Variants in LRRTM4 observed in about 807,000 individuals in gnomAD.
LRRTM4 encodes the protein leucine-rich repeat transmembrane neuronal protein 4.
In LRRTM4, 25 loss-of-function variants were observed where a neutral mutation model predicts 47.6. The observed-to-expected ratio is 0.53, with a 90% CI of 0.38 to 0.73. The LOEUF (loss-of-function observed/expected upper bound fraction) is 0.73. Ranked by LOEUF, LRRTM4 falls within the 30% of genes least tolerant of loss-of-function variation. The pLI, the probability that LRRTM4 is intolerant of heterozygous loss-of-function variation, is 0.00. For synonymous variants in LRRTM4, 311 were observed against 269.5 expected (o/e 1.15, Z -1.51); for missense variants, 638 against 713.4 (o/e 0.89, Z 1.20).
chr2:77,408,776 G>T (rs79338991), intron 3 of LRRTM4, among the ~76,000 whole-genome samples: 7,308 of 152,192 alleles, frequency 0.048, 191 homozygotes, highest in South Asian at 0.09. Context: ...TTTATCAAAA[G>T]AAGAAATTAT....
At chr2:77,026,661 A>T (rs1199744375) in intron 3 of LRRTM4, among the ~76,000 whole-genome samples, 2 of 151,930 alleles carry the variant, frequency 1.3e-5, no homozygotes, top group East Asian at 3.9e-4. Flanking sequence ...GTTTATTGTC[A>T]TAGAAAAAGT....
chr2:76,855,303 A>G (rs1672116346), intron 3 of LRRTM4, among the ~76,000 whole-genome samples: 1 of 152,242 alleles, frequency 6.6e-6, no homozygotes, highest in African/African-American at 2.4e-5. Flanking sequence ...ATCTAGGACA[A>G]AGATGGATAA....
At chr2:77,393,919 GACAA>G (rs772439956) in intron 3 of LRRTM4, among the ~76,000 whole-genome samples, 5 of 152,004 alleles carry the variant, frequency 3.3e-5, no homozygotes, top group African/African-American at 1.2e-4. Context: ...GAATTTTAAA[GACAA>G]ACAAAATAAT....
At chr2:76,774,459 G>C (rs1439208595) in intron 3 of LRRTM4, among the ~76,000 whole-genome samples, 1 of 151,902 alleles carries the variant, frequency 6.6e-6, no homozygotes, top group Non-Finnish European at 1.5e-5. Context: ...CAAAGTGCTG[G>C]GATTACAGGC....
intron 3 of LRRTM4, among the ~76,000 whole-genome samples, chr2:77,194,181 T>A (rs1388599072): frequency 6.6e-6 from 1 of 152,172 alleles, no homozygotes; most frequent in African/African-American, 2.4e-5. Context: ...TAAGAAAATA[T>A]GACTATATCT....
chr2:76,835,323 T>C (rs913816614), intron 3 of LRRTM4, among the ~76,000 whole-genome samples: 5 of 152,042 alleles, frequency 3.3e-5, no homozygotes, highest in Non-Finnish European at 7.4e-5. Flanking sequence ...TCCTAACATA[T>C]GCATAGATTT....
intron 3 of LRRTM4, among the ~76,000 whole-genome samples, chr2:76,816,443 G>C (rs1670897707): frequency 6.6e-6 from 1 of 151,910 alleles, no homozygotes; most frequent in South Asian, 2.1e-4. Flanking sequence ...GAAAATAATA[G>C]TCATGAAAGC....
intron 3 of LRRTM4, among the ~76,000 whole-genome samples, chr2:77,162,234 G>C: frequency 6.6e-6 from 1 of 152,178 alleles, no homozygotes; most frequent in Non-Finnish European, 1.5e-5. Context: ...TAGTACAGCA[G>C]TCTGAGATTA....
chr2:77,200,645 T>C (rs1251785595), intron 3 of LRRTM4, among the ~76,000 whole-genome samples: 1 of 152,056 alleles, frequency 6.6e-6, no homozygotes, highest in Non-Finnish European at 1.5e-5. Flanking sequence ...TAAAATATAA[T>C]CTTCACTCAT....
chr2:76,833,875 T>C (rs531031508), intron 3 of LRRTM4, among the ~76,000 whole-genome samples: 126 of 151,762 alleles, frequency 8.3e-4, no homozygotes, highest in African/African-American at 3.0e-3. Flanking sequence ...TGAAGACAAT[T>C]TATGTATTTT....
chr2:77,120,704 A>G (rs1348284350), intron 3 of LRRTM4, among the ~76,000 whole-genome samples: 3 of 151,928 alleles, frequency 2.0e-5, no homozygotes, highest in East Asian at 1.9e-4. Flanking sequence ...CTGAAAATAC[A>G]TATATTTTTA....
At chr2:77,421,564 G>A (rs1022096582) in intron 3 of LRRTM4, among the ~76,000 whole-genome samples, 2 of 152,072 alleles carry the variant, frequency 1.3e-5, no homozygotes, top group East Asian at 1.9e-4. Flanking sequence ...AAAATTAGCC[G>A]GGCGTGTTGG....
intron 3 of LRRTM4, among the ~76,000 whole-genome samples, chr2:77,045,167 T>C (rs1027537843): frequency 6.6e-6 from 1 of 151,932 alleles, no homozygotes; most frequent in Non-Finnish European, 1.5e-5. Flanking sequence ...GAGGCAGGGA[T>C]TGAACACAGA....
intron 3 of LRRTM4, among the ~76,000 whole-genome samples, chr2:77,384,154 G>A (rs778781607): frequency 3.5e-4 from 53 of 151,672 alleles, no homozygotes; most frequent in Non-Finnish European, 6.3e-4. Flanking sequence ...TAAGCTCTAT[G>A]ATAGAGCCAG....
At chr2:77,268,700 C>CA (rs961385290) in intron 3 of LRRTM4, among the ~76,000 whole-genome samples, 52 of 151,040 alleles carry the variant, frequency 3.4e-4, no homozygotes, top group African/African-American at 7.8e-4. Flanking sequence ...TCTATGAAAA[C>CA]AAAAAAAAAT....
chr2:76,886,233 G>A (rs1190890797), intron 3 of LRRTM4, among the ~76,000 whole-genome samples: 1 of 152,162 alleles, frequency 6.6e-6, no homozygotes, highest in Non-Finnish European at 1.5e-5. Context: ...AATGAATGCA[G>A]TGTTTTCTTT....
At chr2:77,221,517 C>T (rs1674631388) in intron 3 of LRRTM4, among the ~76,000 whole-genome samples, 2 of 151,984 alleles carry the variant, frequency 1.3e-5, no homozygotes, top group South Asian at 4.1e-4. Flanking sequence ...GAAGATCTAC[C>T]AAGCAAATGG....
chr2:76,801,806 T>C (rs1398073749), intron 3 of LRRTM4, among the ~76,000 whole-genome samples: 1 of 152,064 alleles, frequency 6.6e-6, no homozygotes, highest in Non-Finnish European at 1.5e-5. Context: ...TAGGAAGCAA[T>C]GATGTGTCAA....
At chr2:77,430,527 G>A (rs971279949) in intron 3 of LRRTM4, among the ~76,000 whole-genome samples, 4 of 152,044 alleles carry the variant, frequency 2.6e-5, no homozygotes, top group East Asian at 1.9e-4. Flanking sequence ...TTCGAGACCA[G>A]CCTGACCAAC....
Sources: allele counts gnomAD v4.1 joint callset (sites outside exome capture counted in the v4.1 genomes callset), GRCh38; gene constraint gnomAD v4.1.1; transcripts MANE v1.5; gene names NCBI Gene and HGNC (gene_info 2026-07-23, HGNC 2026-07-21).